Variants in PPARGC1A observed in about 807,000 individuals in gnomAD.
PPARGC1A encodes the protein peroxisome proliferator-activated receptor gamma coactivator 1-alpha.
A neutral mutation model predicts 88.7 loss-of-function variants in PPARGC1A; 25 were observed. That is an observed-to-expected ratio of 0.28 (90% CI 0.21 to 0.39). The LOEUF (loss-of-function observed/expected upper bound fraction) is 0.39, where lower values mean the gene tolerates loss of function less well. Ranked by LOEUF, PPARGC1A falls within the 10% of genes least tolerant of loss-of-function variation. The pLI is 1.00. For missense variants in PPARGC1A, 880 were observed against 968.7 expected, an observed-to-expected ratio of 0.91 and a Z score of 1.22; for synonymous variants, 363 against 355.6, an observed-to-expected ratio of 1.02 and a Z score of -0.24.
the PPARGC1A span, among the ~76,000 whole-genome samples, chr4:23,986,087 C>T: frequency 6.6e-6 from 1 of 152,146 alleles, no homozygotes; most frequent in East Asian, 1.9e-4. Context: ...TCTGATTGTG[C>T]ACTCCTGAAG....
the PPARGC1A span, among the ~76,000 whole-genome samples, chr4:24,333,030 T>A: frequency 6.6e-6 from 1 of 152,122 alleles, no homozygotes; most frequent in East Asian, 1.9e-4. Flanking sequence ...TCATTTGAGG[T>A]CAGGAGTTCG....
the PPARGC1A span, among the ~76,000 whole-genome samples, chr4:23,974,212 G>C: frequency 6.6e-6 from 1 of 152,122 alleles, no homozygotes; most frequent in Non-Finnish European, 1.5e-5. Flanking sequence ...TGTGTGTGTG[G>C]CATTGGGTGG....
chr4:24,063,747 C>A, the PPARGC1A span, among the ~76,000 whole-genome samples: 1 of 152,166 alleles, frequency 6.6e-6, no homozygotes, highest in African/African-American at 2.4e-5. Flanking sequence ...CTTCCCCCTA[C>A]TGCTAATGCA....
chr4:23,926,954 GATCT>G, the PPARGC1A span, among the ~76,000 whole-genome samples: 1 of 152,156 alleles, frequency 6.6e-6, no homozygotes, highest in Non-Finnish European at 1.5e-5. Context: ...CTGAATACAT[GATCT>G]ATCTAACAAA....
In PPARGC1A at chr4:23,803,350, C is replaced by T. The variant is rs182751957; in HGVS notation, c.2020-1005G>A. 5.3e-5 allele frequency among the ~76,000 whole-genome samples: 8 copies of T among 151,972 alleles called. No homozygotes were observed. In the East Asian group the frequency reaches 9.7e-4, roughly 18 times the overall value. On this transcript the variant is annotated intron_variant, in intron 10 of 12. Transcript: ENST00000264867. ...TAGGCCATTTTAAGCCATGAGTCTC[C>T]GAAGAATAAGAGCTAAATAAAAGAG...
chr4:24,455,542 T>C, the PPARGC1A span, among the ~76,000 whole-genome samples: 4 of 152,202 alleles, frequency 2.6e-5, no homozygotes, highest in Non-Finnish European at 1.5e-5. Context: ...TTGGAAACAA[T>C]GAGTATAACT....
At chr4:24,199,629 G>A in the PPARGC1A span, among the ~76,000 whole-genome samples, 14 of 152,220 alleles carry the variant, frequency 9.2e-5, 1 homozygote, top group South Asian at 1.2e-3. Context: ...AAGGCACATT[G>A]GCAGGAGTTG....
chr4:24,422,930 C>A, the PPARGC1A span, among the ~76,000 whole-genome samples: 3 of 152,160 alleles, frequency 2.0e-5, no homozygotes, highest in Non-Finnish European at 4.4e-5. Flanking sequence ...GCATCCCATG[C>A]CGATTCACTA....
the PPARGC1A span, among the ~76,000 whole-genome samples, chr4:24,470,117 T>C: frequency 2.0e-5 from 3 of 152,150 alleles, no homozygotes; most frequent in Admixed American, 2.0e-4. This position sits in a 1 kb window ranked among gnomAD's most constrained non-coding sequence, Gnocchi z 5.8. Context: ...GCCTGGAAAC[T>C]TGTCCTAACG....
chr4:23,900,951 G>A (rs897726903), upstream of PPARGC1A, among the ~76,000 whole-genome samples: 3 of 152,314 alleles, frequency 2.0e-5, no homozygotes, highest in Non-Finnish European at 4.4e-5. Flanking sequence ...CCAGCTGGGT[G>A]CGGTGGCTCA....
chr4:23,863,168 A>C lies in PPARGC1A; in HGVS notation c.234+21584T>G, dbSNP rs760621142. On this transcript the variant is annotated intron_variant, in intron 2 of 12. Coordinates refer to ENST00000264867, the MANE Select transcript of PPARGC1A (RefSeq NM_013261.5). ...TTCCTTCGGGAAGTCTGCCATATGC[A>C]TTCCTTCCTTTCATTGTCACCATCA... Among the ~76,000 whole-genome samples, 21 of 151,776 alleles carry C rather than the reference A, an allele frequency of 1.4e-4. 1 individual carries two copies. The highest frequency in any genetic ancestry group is 2.9e-5 in the Non-Finnish European group (2 of 67,974).
the PPARGC1A span, among the ~76,000 whole-genome samples, chr4:24,128,000 T>A: frequency 5.9e-5 from 9 of 152,112 alleles, no homozygotes; most frequent in Non-Finnish European, 1.3e-4. Flanking sequence ...CCCAAATACT[T>A]CTGTCGAACT....
the PPARGC1A span, among the ~76,000 whole-genome samples, chr4:24,076,658 C>T: frequency 1.3e-5 from 2 of 152,056 alleles, no homozygotes; most frequent in African/African-American, 4.8e-5. Context: ...GCTGTGAAAT[C>T]CCAAACAAAT....
chr4:23,828,371 C>G (rs910478979), intron 5 of PPARGC1A, 29 bp downstream of exon 5: 3 of 1,591,036 alleles, frequency 1.9e-6, no homozygotes, highest in African/African-American at 2.7e-5. Context: ...AGTGCCCTCA[C>G]CAACAGCTCG....
At chr4:24,176,794 G>A in the PPARGC1A span, among the ~76,000 whole-genome samples, 1 of 152,126 alleles carries the variant, frequency 6.6e-6, no homozygotes, top group African/African-American at 2.4e-5. Flanking sequence ...GAGAAAGGTC[G>A]AAAAGTGGGG....
At chr4:24,007,499 AC>A in the PPARGC1A span, among the ~76,000 whole-genome samples, 1 of 152,200 alleles carries the variant, frequency 6.6e-6, no homozygotes, top group Non-Finnish European at 1.5e-5. Flanking sequence ...CAGGGTAATG[AC>A]CTAGTTAGGA....
the PPARGC1A span, among the ~76,000 whole-genome samples, chr4:24,384,558 CAAAAAAAAAA>C: frequency 1.9e-5 from 1 of 53,962 alleles, no homozygotes; most frequent in East Asian, 6.8e-4. Flanking sequence ...AAATGGAAAG[CAAAAAAAAAA>C]AAAAAAAAAG....
At chr4:24,413,304 A>G in the PPARGC1A span, among the ~76,000 whole-genome samples, 1 of 150,880 alleles carries the variant, frequency 6.6e-6, no homozygotes, top group African/African-American at 2.4e-5. Context: ...AAGGAGATAA[A>G]AGCAACGCAG....
At chr4:23,846,696 A>T (rs944224887) in intron 2 of PPARGC1A, among the ~76,000 whole-genome samples, 15 of 152,132 alleles carry the variant, frequency 9.9e-5, no homozygotes, top group Non-Finnish European at 2.1e-4. Context: ...GACACTGGGG[A>T]TATAGCGATG....
Sources: gnomAD v4.1 joint callset for allele counts (sites outside exome capture counted in the v4.1 genomes callset) on GRCh38, gnomAD v4.1.1 for gene constraint, Gnocchi (gnomAD v3.1) non-coding constraint, MANE v1.5 for transcripts, NCBI Gene and HGNC (gene_info 2026-07-23, HGNC 2026-07-21) for gene names.